EXOC6B: variants seen among roughly 807,000 people sequenced by gnomAD.
The protein encoded by EXOC6B is SEC15 homolog B.
Under a neutral mutation model 113.5 loss-of-function variants are expected in EXOC6B, and 54 were observed. That is an observed-to-expected ratio of 0.48 (90% confidence interval 0.38 to 0.60). The LOEUF (loss-of-function observed/expected upper bound fraction) is 0.60. Among genes scored for constraint, EXOC6B ranks in the 20% least tolerant of loss-of-function variants. The pLI is 0.00. For missense variants in EXOC6B, 797 were observed against 977.5 expected, an observed-to-expected ratio of 0.82 and a Z score of 2.46; for synonymous variants, 357 against 339.0, an observed-to-expected ratio of 1.05 and a Z score of -0.58.
At chr2:72,272,491 C>T (rs754720703) in intron 20 of EXOC6B, among the ~76,000 whole-genome samples, 1 of 152,078 alleles carries the variant, frequency 6.6e-6, no homozygotes, top group Non-Finnish European at 1.5e-5. Flanking sequence ...AGGTGCTTTC[C>T]TCATCACTGC....
At chr2:72,617,909 CTA>C (rs1197439958) in intron 6 of EXOC6B, among the ~76,000 whole-genome samples, 3 of 152,128 alleles carry the variant, frequency 2.0e-5, no homozygotes, top group Admixed American at 1.3e-4. Context: ...TCATGAGAGA[CTA>C]TTTTTTTAGA....
chr2:72,495,585 A>G, intron 14 of EXOC6B, 46 bp from the exon 15 acceptor site: 1 of 981,552 alleles, frequency 1.0e-6, no homozygotes, highest in East Asian at 2.5e-5. Context: ...ACCAACGAAG[A>G]TTGAAGATAT....
Position 72,465,230 on chromosome 2 carries a change from T to C in EXOC6B, c.1910A>G (p.Lys637Arg), listed in dbSNP as rs1697968797. The C allele has an allele frequency of 1.2e-6, 2 of 1,611,792 alleles. No individual in the cohort carries two copies. Among genetic ancestry groups the C allele is most frequent in the Non-Finnish European group, 1.7e-6 (2 of 1,179,010 alleles). The change falls in exon 18 of 22, where the codon AAA (lysine) becomes AGA (arginine). Residue 637 changes from lysine (K) to arginine (R), a missense_variant. Physicochemically the swap from Lys to Arg is conservative, Grantham distance 26. Transcript: ENST00000272427. ...GAGGTCTACCAGGTAATCACTAGCT[T>C]TGTTGCCCAAATCTCCGGTCATCCA... is the stretch of plus-strand genomic sequence containing the variant. The part of the protein sequence containing the change: ...YDWMTGDLGN[K>R]ASDYLVDLIA...
chr2:72,664,629 T>A (rs1214683804), intron 6 of EXOC6B, among the ~76,000 whole-genome samples: 1 of 152,302 alleles, frequency 6.6e-6, no homozygotes, highest in East Asian at 1.9e-4. Flanking sequence ...AGGCGATCCA[T>A]CTTCTTGTGA....
At chr2:72,745,531 G>A (rs1209850856) in intron 1 of EXOC6B, among the ~76,000 whole-genome samples, 1 of 152,020 alleles carries the variant, frequency 6.6e-6, no homozygotes, top group Non-Finnish European at 1.5e-5. Flanking sequence ...AAGACTTTGT[G>A]TTCCATAGGT....
At chr2:72,741,587 T>C in intron 1 of EXOC6B, 118 bp from the exon 2 acceptor site, 8 of 766,830 alleles carry the variant, frequency 1.0e-5, no homozygotes, top group Non-Finnish European at 1.4e-5. Flanking sequence ...CAACTGTATA[T>C]TAACATGCCT....
intron 20 of EXOC6B, among the ~76,000 whole-genome samples, chr2:72,267,393 T>A (rs1684191448): frequency 6.6e-6 from 1 of 152,190 alleles, no homozygotes; most frequent in Admixed American, 6.5e-5. Context: ...GGCTGTGGGT[T>A]TGTCATAGAT....
intron 6 of EXOC6B, among the ~76,000 whole-genome samples, chr2:72,649,346 A>G (rs1053054348): frequency 6.6e-6 from 1 of 152,182 alleles, no homozygotes; most frequent in Admixed American, 6.5e-5. Context: ...AAAAATAACT[A>G]AAAGAGTATG....
chr2:72,464,011 A>G (rs115434051), intron 18 of EXOC6B: 2,763 of 152,286 alleles, frequency 0.018, 37 homozygotes, highest in Non-Finnish European at 0.029. Context: ...TTTTATAAGT[A>G]TACTAATCCC....
intron 18 of EXOC6B, among the ~76,000 whole-genome samples, chr2:72,410,998 C>G (rs1694145565): frequency 6.6e-6 from 1 of 152,136 alleles, no homozygotes; most frequent in Non-Finnish European, 1.5e-5. Flanking sequence ...AGCCTGAGCT[C>G]AAGAGTTCAA....
chr2:72,696,509 T>A (rs1167432388), intron 6 of EXOC6B, among the ~76,000 whole-genome samples: 1 of 152,220 alleles, frequency 6.6e-6, no homozygotes, highest in Admixed American at 6.5e-5. Flanking sequence ...CATTTCTCCA[T>A]GTTCTTGACT....
chr2:72,757,532 A>G lies in EXOC6B; in HGVS notation c.114-16063T>C, dbSNP rs1682495294. On this transcript the variant is annotated intron_variant, in intron 1 of 21. Transcript: ENST00000272427. Reference sequence around the variant, plus strand: ...CCCCTGCAATGTGTCCCTGAGACCAATGAGCTTTGTTTCAAAGCAGTTTGT... The same window carrying G: ...CCCCTGCAATGTGTCCCTGAGACCAGTGAGCTTTGTTTCAAAGCAGTTTGT... Among the ~76,000 whole-genome samples the G allele has an allele frequency of 2.6e-5, 4 of 152,226 alleles. No individual in the cohort carries two copies. In the South Asian group the frequency reaches 8.3e-4, roughly 32 times the overall value.
At chr2:72,468,923 A>G (rs2105436345) in intron 17 of EXOC6B, among the ~76,000 whole-genome samples, 1 of 152,220 alleles carries the variant, frequency 6.6e-6, no homozygotes, top group South Asian at 2.1e-4. Context: ...TGTTTTGCTA[A>G]AAGTCTTTTT....
intron 20 of EXOC6B, among the ~76,000 whole-genome samples, chr2:72,225,147 C>A (rs563465619): frequency 6.6e-6 from 1 of 151,576 alleles, no homozygotes; most frequent in South Asian, 2.1e-4. Context: ...GCACCGCGCC[C>A]AGCCTATTTT....
At chr2:72,594,818 G>C (rs1385295236) in intron 6 of EXOC6B, among the ~76,000 whole-genome samples, 1 of 152,020 alleles carries the variant, frequency 6.6e-6, no homozygotes, top group Non-Finnish European at 1.5e-5. Context: ...TAAAACCAAA[G>C]TTTTCCAGCT....
At chr2:72,787,251 G>A (rs1255868828) in intron 1 of EXOC6B, among the ~76,000 whole-genome samples, 1 of 150,574 alleles carries the variant, frequency 6.6e-6, no homozygotes, top group Admixed American at 6.6e-5. Context: ...TCACTCTGTC[G>A]CCCAGGCTGG....
Position 72,446,953 on chromosome 2 carries a change from T to C in EXOC6B, c.1980+18207A>G, listed in dbSNP as rs201372611. Among the ~76,000 whole-genome samples, 5 of 152,018 alleles carry C rather than the reference T, an allele frequency of 3.3e-5. No individual in the cohort carries two copies. The East Asian group carries it at 9.7e-4, about 30-fold the overall frequency. ...TGTCTCTACTAAAAATACAAAAAAA[T>C]TAGCTGGGCGTGGTGGTGCACATGT... is the stretch of plus-strand genomic sequence containing the variant. On this transcript the variant is annotated intron_variant, in intron 18 of 21. Coordinates refer to ENST00000272427, the MANE Select transcript of EXOC6B (RefSeq NM_015189.3).
intron 20 of EXOC6B, among the ~76,000 whole-genome samples, chr2:72,259,224 T>A (rs1458927886): frequency 1.3e-5 from 2 of 152,208 alleles, no homozygotes; most frequent in Admixed American, 6.5e-5. Flanking sequence ...CCTAGATTAG[T>A]TTTGTTTGAT....
At chr2:72,272,253 T>C (rs1351669133) in intron 20 of EXOC6B, among the ~76,000 whole-genome samples, 1 of 152,172 alleles carries the variant, frequency 6.6e-6, no homozygotes, top group Non-Finnish European at 1.5e-5. Flanking sequence ...TCATCAACTT[T>C]TCTAATTTGC....
Sources: gnomAD v4.1 joint callset for allele counts (sites outside exome capture counted in the v4.1 genomes callset) on GRCh38, gnomAD v4.1.1 for gene constraint, MANE v1.5 for transcripts, NCBI Gene and HGNC (gene_info 2026-07-23, HGNC 2026-07-21) for gene names.